Variants in TASP1 observed in about 807,000 individuals in gnomAD.
TASP1 encodes threonine aspartase 1.
TASP1 carries 16 observed loss-of-function variants against 56.6 expected under a neutral mutation model. The observed-to-expected ratio is 0.28, with a 90% CI of 0.19 to 0.43. The LOEUF is 0.43. Ranked by LOEUF, TASP1 falls within the 20% of genes least tolerant of loss-of-function variation. The probability of loss-of-function intolerance (pLI) is 1.00; values close to 1 mark genes in which losing one functional copy is unlikely to be tolerated. For missense variants in TASP1, 393 were observed against 511.6 expected, an observed-to-expected ratio of 0.77 and a Z score of 2.24; for synonymous variants, 179 against 184.2, an observed-to-expected ratio of 0.97 and a Z score of 0.23.
the TASP1 span, among the ~76,000 whole-genome samples, chr20:13,146,603 C>A: frequency 1.3e-4 from 20 of 152,022 alleles, no homozygotes; most frequent in Non-Finnish European, 2.5e-4. Flanking sequence ...ATTCAGGAAG[C>A]AATAATACTA....
the TASP1 span, among the ~76,000 whole-genome samples, chr20:13,204,752 G>A: frequency 6.6e-6 from 1 of 152,078 alleles, no homozygotes; most frequent in Non-Finnish European, 1.5e-5. Flanking sequence ...TGAAGTAACT[G>A]CCAATTTTAA....
chr20:13,184,945 A>G, the TASP1 span, among the ~76,000 whole-genome samples: 2 of 152,200 alleles, frequency 1.3e-5, no homozygotes, highest in African/African-American at 2.4e-5. Context: ...GAAGATCTAT[A>G]CATTTTAAAT....
At chr20:13,506,241 T>C (rs2044128165) in intron 10 of TASP1, among the ~76,000 whole-genome samples, 1 of 152,060 alleles carries the variant, frequency 6.6e-6, no homozygotes. Flanking sequence ...GTAAGGAAAT[T>C]GAATCAGTAA....
chr20:13,301,871 G>C, the TASP1 span, among the ~76,000 whole-genome samples: 1 of 152,160 alleles, frequency 6.6e-6, no homozygotes, highest in Non-Finnish European at 1.5e-5. Flanking sequence ...TGTTTGTTAA[G>C]TGTAAGCACA....
chr20:13,214,542 C>CAGAG, the TASP1 span, among the ~76,000 whole-genome samples: 1 of 127,174 alleles, frequency 7.9e-6, no homozygotes, highest in Admixed American at 7.3e-5. Flanking sequence ...CACACACACA[C>CAGAG]ACACACACAC....
At chr20:13,417,212 G>A (rs1459043266) in intron 13 of TASP1, among the ~76,000 whole-genome samples, 1 of 152,182 alleles carries the variant, frequency 6.6e-6, no homozygotes, top group Non-Finnish European at 1.5e-5. Context: ...GGCTGTGGGG[G>A]AAAGTGGGCA....
chr20:13,106,408 G>A, the TASP1 span, among the ~76,000 whole-genome samples: 3 of 152,268 alleles, frequency 2.0e-5, no homozygotes, highest in African/African-American at 7.2e-5. Flanking sequence ...AGACAAGTCG[G>A]GAGGGACACC....
chr20:13,517,597 T>G (rs2044588384), intron 10 of TASP1, among the ~76,000 whole-genome samples: 1 of 152,074 alleles, frequency 6.6e-6, no homozygotes, highest in Admixed American at 6.6e-5. Flanking sequence ...GCATGCATTA[T>G]TTCACAATCA....
the TASP1 span, among the ~76,000 whole-genome samples, chr20:13,309,534 A>G: frequency 1.3e-5 from 2 of 152,176 alleles, no homozygotes; most frequent in African/African-American, 4.8e-5. Flanking sequence ...CAAGATCAGG[A>G]ACAAGACAAG....
At chr20:13,392,068 T>C (rs759655926) in intron 13 of TASP1, among the ~76,000 whole-genome samples, 8 of 151,156 alleles carry the variant, frequency 5.3e-5, no homozygotes, top group Non-Finnish European at 1.2e-4. Flanking sequence ...GCATAAAAAA[T>C]GCAATAAACT....
the TASP1 span, among the ~76,000 whole-genome samples, chr20:13,182,598 T>C: frequency 3.9e-5 from 6 of 152,176 alleles, no homozygotes; most frequent in African/African-American, 1.4e-4. Flanking sequence ...TATATTATGA[T>C]TGGTGAAATC....
Position 13,587,886 on chromosome 20 carries a change from G to A in TASP1, c.283-516C>T, listed in dbSNP as rs117501197. Among the ~76,000 whole-genome samples the A allele has an allele frequency of 1.1e-3, 162 of 152,224 alleles. No individual in the cohort carries two copies. The East Asian group carries it at 0.014, about 13-fold the overall frequency. ...CACACCTGTAATCCCAACACTTAGG[G>A]AGGCCAAGGTGGAAGGATCACTTGA... is the stretch of plus-strand genomic sequence containing the variant. On this transcript the variant is annotated intron_variant, in intron 4 of 13. Coordinates refer to ENST00000337743, the MANE Select transcript of TASP1 (RefSeq NM_017714.3).
intron 1 of TASP1, among the ~76,000 whole-genome samples, chr20:13,635,212 C>T (rs1312689717): frequency 6.6e-6 from 1 of 151,958 alleles, no homozygotes; most frequent in Non-Finnish European, 1.5e-5. Context: ...AAGTCTTGCT[C>T]CCCATAAATT....
chr20:13,244,593 G>A, the TASP1 span, among the ~76,000 whole-genome samples: 236 of 152,248 alleles, frequency 1.6e-3, no homozygotes, highest in Non-Finnish European at 1.8e-3. Flanking sequence ...TAGCATGAAG[G>A]CTTATTCCAG....
rs762593097 is a variant in TASP1 at position 13,580,902 on chromosome 20, A to T, written c.483T>A (p.Pro161=). The part of the protein sequence containing the change: ...QKGKLSAGRI[P]PCFLVGEGAY... ...AGGAAGAACAAAGTGGTTACCAGGG[A>T]GGAATTCTGCCAGCCGAGAGCTTGC... Residue 161 remains proline (P), a synonymous_variant, in exon 6 of 14, where the codon CCT becomes CCA. Transcript: ENST00000337743. The T allele has an allele frequency of 2.5e-4, 396 of 1,613,134 alleles. 3 individuals are homozygous for T. In the South Asian group the frequency reaches 3.8e-3, roughly 15 times the overall value.
At chr20:13,472,494 TCG>T (rs2044545858) in intron 11 of TASP1, among the ~76,000 whole-genome samples, 1 of 150,960 alleles carries the variant, frequency 6.6e-6, no homozygotes, top group African/African-American at 2.5e-5. Flanking sequence ...GGGATCTAAT[TCG>T]ACTAAAGAGC....
the TASP1 span, chr20:13,221,945 G>C: frequency 7.6e-7 from 1 of 1,311,422 alleles, no homozygotes; most frequent in Non-Finnish European, 9.7e-7. Flanking sequence ...GGCCGTGCGC[G>C]GCTGCGGGGA....
the TASP1 span, among the ~76,000 whole-genome samples, chr20:13,216,081 A>G: frequency 2.0e-5 from 3 of 152,334 alleles, no homozygotes; most frequent in Non-Finnish European, 4.4e-5. Flanking sequence ...TCATTCATTG[A>G]ATAGATATTT....
intron 11 of TASP1, among the ~76,000 whole-genome samples, chr20:13,476,445 G>A (rs1032533639): frequency 6.6e-6 from 1 of 152,096 alleles, no homozygotes; most frequent in Non-Finnish European, 1.5e-5. Context: ...TAGATTATTT[G>A]TAGTCAGAAG....
Sources: gnomAD v4.1 joint callset for allele counts (sites outside exome capture counted in the v4.1 genomes callset) on GRCh38, gnomAD v4.1.1 for gene constraint, MANE v1.5 for transcripts, NCBI Gene and HGNC (gene_info 2026-07-23, HGNC 2026-07-21) for gene names.